The following CHD5 variants were observed in gnomAD, a reference collection of about 807,000 sequenced individuals.
The protein encoded by CHD5 is chromodomain helicase DNA binding protein 5.
A neutral mutation model predicts 230.3 loss-of-function variants in CHD5; 69 were observed. The ratio of observed to expected loss-of-function variants is 0.30; its 90% CI spans 0.25 to 0.37. The LOEUF is 0.37. Among genes scored for constraint, CHD5 ranks in the 10% least tolerant of loss-of-function variants. The probability of loss-of-function intolerance (pLI) is 1.00; values close to 1 mark genes in which losing one functional copy is unlikely to be tolerated. For missense variants in CHD5, 1,827 were observed against 2,622.8 expected (o/e 0.70, Z 6.63); for synonymous variants, 1,064 against 1,065.9 (o/e 1.00, Z 0.03).
intron 1 of CHD5, among the ~76,000 whole-genome samples, chr1:6,173,206 G>A (rs113782549): frequency 0.075 from 11,345 of 151,162 alleles, 590 homozygotes; most frequent in East Asian, 0.16. Context: ...CCAGGTTCAC[G>A]CCATTCTCCT....
At position 6,112,996 on chromosome 1, in the gene CHD5, C is replaced by T. The variant is rs1290416093; in HGVS notation, c.4915G>A (p.Glu1639Lys). 4.3e-6 allele frequency: 7 copies of T among 1,611,832 alleles called. No homozygotes were observed. Among genetic ancestry groups the T allele is most frequent in the Non-Finnish European group, 5.9e-6 (7 of 1,178,140 alleles). Residue 1639 changes from glutamate to lysine, a missense_variant and splice_region_variant, in exon 34 of 42, where the codon GAG (glutamate) becomes AAG (lysine). Physicochemically the swap from Glu to Lys is moderately conservative, Grantham distance 56 (BLOSUM62 1). Transcript: ENST00000262450. ...PPSPEQLPRE[E>K]VLPEKEKILD... is the part of the protein sequence containing the mutation. ...ATCTTCTCCTTCTCAGGAAGCACCT[C>T]CTCTGCAAGAAAAAGAGGGTTCGCG...
chr1:6,116,189 T>C (rs557369263), intron 33 of CHD5, among the ~76,000 whole-genome samples: 2 of 152,338 alleles, frequency 1.3e-5, no homozygotes, highest in South Asian at 2.1e-4. Flanking sequence ...TTTTGGTTCA[T>C]TGCTTGTGTC....
chr1:6,179,571 G>C (rs1183035723), intron 1 of CHD5, among the ~76,000 whole-genome samples: 2 of 151,328 alleles, frequency 1.3e-5, no homozygotes, highest in South Asian at 4.1e-4. Flanking sequence ...ACGCGAGCGC[G>C]GGGTGCGCCG....
chr1:6,108,584 T>C (rs1217445609), intron 38 of CHD5, among the ~76,000 whole-genome samples: 10 of 138,068 alleles, frequency 7.2e-5, no homozygotes, highest in Non-Finnish European at 1.2e-4. Flanking sequence ...AATGGAGGGA[T>C]GGAGGGGTGG....
intron 1 of CHD5, among the ~76,000 whole-genome samples, chr1:6,177,585 C>G (rs188468173): frequency 1.3e-4 from 20 of 152,314 alleles, no homozygotes; most frequent in African/African-American, 4.8e-4. Context: ...CGCTTGAGCA[C>G]AGGAGTTCAA....
At chr1:6,111,623 C>G in intron 36 of CHD5, 152 bp downstream of exon 36, 1 of 630,300 alleles carries the variant, frequency 1.6e-6, no homozygotes, top group Non-Finnish European at 2.8e-6. Context: ...GAGCGGGCGA[C>G]ACAGCAATGC....
Position 6,128,306 on chromosome 1 carries a change from TC to T in CHD5, c.3731-89del. ...GGAACAGACTCCCAACAATGGCCCTTCCCATCCCCAGCAGGGGCTGCAGCTG... is the reference window on the plus strand; with the variant it reads ...GGAACAGACTCCCAACAATGGCCCTTCCATCCCCAGCAGGGGCTGCAGCTG... On this transcript the variant is annotated intron_variant, in intron 24 of 41. Coordinates refer to ENST00000262450, the MANE Select transcript of CHD5 (RefSeq NM_015557.3). This position sits in a 1 kb window ranked among gnomAD's most constrained non-coding sequence, Gnocchi z 7.8. 1 of 1,385,050 alleles carries T rather than the reference TC, an allele frequency of 7.2e-7. No homozygotes were observed. The highest frequency in any genetic ancestry group is 1.0e-6 in the Non-Finnish European group (1 of 997,076). The allele number at this position is 1,385,050 out of a possible 1,614,324, so 85.8% of individuals were successfully genotyped here.
intron 1 of CHD5, among the ~76,000 whole-genome samples, chr1:6,173,576 TG>T: frequency 6.6e-6 from 1 of 152,164 alleles, no homozygotes; most frequent in East Asian, 1.9e-4. Context: ...TCTTCATCTG[TG>T]AAATGGGCCT....
intron 7 of CHD5, among the ~76,000 whole-genome samples, chr1:6,150,585 G>A (rs1157012834): frequency 6.6e-6 from 1 of 152,006 alleles, no homozygotes; most frequent in Non-Finnish European, 1.5e-5. Context: ...TGGATGAATG[G>A]CTGGATGGAT....
intron 7 of CHD5, among the ~76,000 whole-genome samples, chr1:6,149,699 T>A (rs1390997768): frequency 1.4e-5 from 2 of 141,308 alleles, no homozygotes; most frequent in East Asian, 4.9e-4. Context: ...GATAGATGAA[T>A]GGATGGACAA....
intron 7 of CHD5, 56 bp downstream of exon 7, chr1:6,150,976 C>T: frequency 4.8e-6 from 7 of 1,451,048 alleles, no homozygotes; most frequent in Middle Eastern, 1.8e-4. Flanking sequence ...GAGTCCTACT[C>T]GTGCCCCACT....
chr1:6,123,560 G>A (rs1043779556), intron 31 of CHD5, among the ~76,000 whole-genome samples: 5 of 152,026 alleles, frequency 3.3e-5, no homozygotes, highest in African/African-American at 9.7e-5. Flanking sequence ...CCGAGCAGCC[G>A]GGATTACAGG....
chr1:6,158,300 G>A (rs774264445), intron 3 of CHD5, among the ~76,000 whole-genome samples: 4 of 152,240 alleles, frequency 2.6e-5, no homozygotes, highest in Admixed American at 6.5e-5. Flanking sequence ...CTCTGTAGCC[G>A]CTCTGCCCCA....
At chr1:6,168,050 A>G in intron 2 of CHD5, 100 bp downstream of exon 2, 1 of 1,388,740 alleles carries the variant, frequency 7.2e-7, no homozygotes. Flanking sequence ...GAAACCCTCA[A>G]ACTCCAAGGT....
In CHD5 at chr1:6,129,121, TGGA is replaced by T. The variant is rs902357536; in HGVS notation, c.3388-55_3388-53del. On this transcript the variant is annotated intron_variant, in intron 22 of 41. Coordinates refer to ENST00000262450, the MANE Select transcript of CHD5 (RefSeq NM_015557.3). The surrounding 1 kb of genome is among the most constrained non-coding windows in gnomAD (Gnocchi z 6.8). ...GTGGCTCACCCAGGGCTCCAGGCAA[TGGA>T]GGAGATCACACCCATGAGCTCAAGA... 5 of 1,301,426 alleles carry T rather than the reference TGGA, an allele frequency of 3.8e-6. No homozygotes were observed. The South Asian group carries it at 6.2e-5, about 16-fold the overall frequency. The allele number at this position is 1,301,426 out of a possible 1,614,324, so 80.6% of individuals were successfully genotyped here. A position where few individuals can be genotyped will look rare whatever the true frequency, so the allele number is the denominator to read the frequency against.
intron 2 of CHD5, among the ~76,000 whole-genome samples, chr1:6,165,014 C>G (rs1667230454): frequency 6.6e-6 from 1 of 152,152 alleles, no homozygotes; most frequent in Non-Finnish European, 1.5e-5. Flanking sequence ...CAGAGAGAGA[C>G]AGACAGACAA....
At chr1:6,114,582 A>G (rs1205189895) in intron 33 of CHD5, among the ~76,000 whole-genome samples, 1 of 151,934 alleles carries the variant, frequency 6.6e-6, no homozygotes. Context: ...AAGAAAGTTT[A>G]TGAATTCGTG....
intron 33 of CHD5, among the ~76,000 whole-genome samples, chr1:6,117,318 C>T (rs1666393403): frequency 6.6e-6 from 1 of 151,912 alleles, no homozygotes. Context: ...ACACCGTCTA[C>T]AAAAGATAGA....
In CHD5 at chr1:6,151,024, A is replaced by T; in HGVS notation, c.994+8T>A. On this transcript the variant is annotated splice_region_variant and intron_variant, in intron 7 of 41. Transcript: ENST00000262450. ...CAGGCCAAGAACTCTCTGGAAGGGG[A>T]GTCATACTCCTCTTCTTCTTGCGCC... 6.5e-7 allele frequency: 1 copy of T among 1,540,500 alleles called. No homozygotes were observed. Among genetic ancestry groups the T allele is most frequent in the Non-Finnish European group, 8.8e-7 (1 of 1,135,524 alleles).
Sources: allele counts gnomAD v4.1 joint callset (sites outside exome capture counted in the v4.1 genomes callset), GRCh38; gene constraint gnomAD v4.1.1; non-coding constraint Gnocchi (gnomAD v3.1); transcripts MANE v1.5; gene names NCBI Gene and HGNC (gene_info 2026-07-23, HGNC 2026-07-21).